Variants in TLN2 observed in about 807,000 individuals in gnomAD.
TLN2 encodes the protein talin-2.
Under a neutral mutation model 294.7 loss-of-function variants are expected in TLN2, and 118 were observed. That is an observed-to-expected ratio of 0.40 (90% CI 0.34 to 0.47). The LOEUF (loss-of-function observed/expected upper bound fraction) is 0.47, where lower values mean the gene tolerates loss of function less well. TLN2 is among the 20% of genes least tolerant of loss of function. The probability of loss-of-function intolerance (pLI) is 0.84; values close to 1 mark genes in which losing one functional copy is unlikely to be tolerated. For synonymous variants in TLN2, 1,431 were observed against 1,304.5 expected (o/e 1.10, Z -2.09); for missense variants, 3,083 against 3,282.2 (o/e 0.94, Z 1.48).
intron 1 of TLN2, among the ~76,000 whole-genome samples, chr15:62,482,393 G>A (rs180941429): frequency 0.014 from 2,104 of 151,534 alleles, 29 homozygotes; most frequent in Admixed American, 0.024. Context: ...ACCTGAGGTC[G>A]GGAGTTTGAG....
At position 62,764,971 on chromosome 15, in the gene TLN2, TAAA is replaced by T. The variant is rs5813170; in HGVS notation, c.5094+1294_5094+1296del. Among the ~76,000 whole-genome samples the T allele has an allele frequency of 2.9e-3, 313 of 108,892 alleles. 4 individuals are homozygous for T. In the East Asian group the frequency reaches 0.041, roughly 14 times the overall value. 71.4% of individuals were successfully genotyped at this position (108,892 alleles called of 152,430 possible). A position where few individuals can be genotyped will look rare whatever the true frequency, so the allele number is the denominator to read the frequency against. On this transcript the variant is annotated intron_variant, in intron 40 of 58. Transcript: ENST00000636159. ...GGGACAACAGAGCGAGACTCCATCT[TAAA>T]AAAAAAAAAAAAAAAAAGTAGCAAA... is the stretch of plus-strand genomic sequence containing the variant.
chr15:62,564,955 C>T (rs548292312), intron 1 of TLN2, among the ~76,000 whole-genome samples: 1 of 148,706 alleles, frequency 6.7e-6, no homozygotes, highest in African/African-American at 2.5e-5. Flanking sequence ...GCATTCCCCC[C>T]ACTGACACAC....
chr15:62,490,087 C>A (rs1448952625), intron 1 of TLN2, among the ~76,000 whole-genome samples: 1 of 152,190 alleles, frequency 6.6e-6, no homozygotes, highest in African/African-American at 2.4e-5. Context: ...GACCTTAGAT[C>A]TTCAGCAGTG....
chr15:62,477,932 C>T (rs1462201619), intron 1 of TLN2, among the ~76,000 whole-genome samples: 3 of 145,582 alleles, frequency 2.1e-5, no homozygotes, highest in Non-Finnish European at 3.0e-5. Flanking sequence ...CAGAGGGGAG[C>T]GGGGCGTTGC....
At chr15:62,393,299 T>A (rs1337399844) in intron 1 of TLN2, among the ~76,000 whole-genome samples, 2 of 152,224 alleles carry the variant, frequency 1.3e-5, no homozygotes, top group Admixed American at 6.5e-5. Flanking sequence ...GAAAGCGAAC[T>A]TTTAACAACT....
Position 62,673,813 on chromosome 15 carries a change from TGTCTCTC to T in TLN2, c.789-13_789-7del, listed in dbSNP as rs772648121. Reference sequence around the variant, plus strand: ...ATGATAAATGCCTTTCCTTTTTAAATGTCTCTCTCTTAGTCTGAAGGAATTCCTGCCC... The same window carrying T: ...ATGATAAATGCCTTTCCTTTTTAAATTCTTAGTCTGAAGGAATTCCTGCCC... On this transcript the variant is annotated splice_polypyrimidine_tract_variant and splice_region_variant and intron_variant, in intron 9 of 58. Coordinates refer to ENST00000636159, the MANE Select transcript of TLN2 (RefSeq NM_015059.3). 1.2e-6 allele frequency: 2 copies of T among 1,606,926 alleles called. No individual in the cohort carries two copies. Among genetic ancestry groups the T allele is most frequent in the East Asian group, 4.5e-5 (2 of 44,818 alleles).
intron 44 of TLN2, among the ~76,000 whole-genome samples, chr15:62,782,369 C>T (rs191451257): frequency 2.0e-5 from 3 of 152,334 alleles, no homozygotes; most frequent in South Asian, 2.1e-4. Context: ...GCATGGAGGA[C>T]GGATCCTAGT....
chr15:62,481,301 T>G (rs761015561), intron 1 of TLN2, among the ~76,000 whole-genome samples: 1 of 152,132 alleles, frequency 6.6e-6, no homozygotes, highest in Non-Finnish European at 1.5e-5. Context: ...TTGCTTTTTG[T>G]GAGAAGGAAA....
chr15:62,649,546 A>G (rs893212723), intron 4 of TLN2, among the ~76,000 whole-genome samples: 8 of 151,910 alleles, frequency 5.3e-5, no homozygotes, highest in African/African-American at 1.2e-4. Flanking sequence ...CACCTTTTAC[A>G]TGATTTGTTG....
intron 12 of TLN2, among the ~76,000 whole-genome samples, chr15:62,691,407 A>G (rs574031773): frequency 1.3e-5 from 2 of 152,062 alleles, no homozygotes; most frequent in African/African-American, 4.8e-5. Flanking sequence ...AATTTTGGTT[A>G]TTGCCTTTTT....
At chr15:62,608,088 AC>A (rs2047606134) in intron 2 of TLN2, among the ~76,000 whole-genome samples, 1 of 151,942 alleles carries the variant, frequency 6.6e-6, no homozygotes, top group Non-Finnish European at 1.5e-5. Flanking sequence ...TTGGTCTACT[AC>A]CCCCATCCCC....
At chr15:62,534,496 C>G (rs1397976630) in intron 1 of TLN2, among the ~76,000 whole-genome samples, 1 of 152,188 alleles carries the variant, frequency 6.6e-6, no homozygotes, top group African/African-American at 2.4e-5. Flanking sequence ...CATGCCCACT[C>G]CGGGTGGATG....
chr15:62,644,928 C>T (rs770538954), intron 3 of TLN2: 23 of 245,860 alleles, frequency 9.4e-5, no homozygotes, highest in Admixed American at 2.1e-4. Flanking sequence ...TACAACACTT[C>T]GTTTTCCGAG....
At chr15:62,635,486 A>G (rs914395222) in intron 3 of TLN2, among the ~76,000 whole-genome samples, 20 of 152,206 alleles carry the variant, frequency 1.3e-4, no homozygotes, top group African/African-American at 4.8e-4. Flanking sequence ...GGGAAAACTT[A>G]GGATATAGAA....
intron 44 of TLN2, among the ~76,000 whole-genome samples, chr15:62,782,145 C>T (rs1425703407): frequency 6.6e-6 from 1 of 152,204 alleles, no homozygotes; most frequent in Non-Finnish European, 1.5e-5. Context: ...GTTGCTGTGC[C>T]CAGGTCCCCT....
chr15:62,746,995 T>C (rs2061652582), intron 32 of TLN2, among the ~76,000 whole-genome samples: 1 of 152,198 alleles, frequency 6.6e-6, no homozygotes, highest in African/African-American at 2.4e-5. Flanking sequence ...ATTGACCATG[T>C]AGATCAGTGC....
intron 28 of TLN2, among the ~76,000 whole-genome samples, chr15:62,729,640 G>A (rs946974577): frequency 6.6e-6 from 1 of 152,004 alleles, no homozygotes; most frequent in Non-Finnish European, 1.5e-5. Flanking sequence ...AATGGATTGG[G>A]TATCCTCTGA....
At chr15:62,471,027 A>T (rs1250087072) in intron 1 of TLN2, among the ~76,000 whole-genome samples, 3 of 152,188 alleles carry the variant, frequency 2.0e-5, no homozygotes, top group Admixed American at 2.0e-4. Flanking sequence ...TTTTGCTCCA[A>T]ACTGGGGTTA....
At chr15:62,824,296 A>T (rs560867359) in intron 54 of TLN2, among the ~76,000 whole-genome samples, 2 of 152,222 alleles carry the variant, frequency 1.3e-5, no homozygotes, top group African/African-American at 2.4e-5. Context: ...AAGGAATTCA[A>T]TATGCTTGGT....
Sources: gnomAD v4.1 joint callset for allele counts (sites outside exome capture counted in the v4.1 genomes callset) on GRCh38, gnomAD v4.1.1 for gene constraint, MANE v1.5 for transcripts, NCBI Gene and HGNC (gene_info 2026-07-23, HGNC 2026-07-21) for gene names.